RORA: variants seen among roughly 807,000 people sequenced by gnomAD.
RORA encodes RAR related orphan receptor A, also known as nuclear receptor ROR-alpha.
RORA carries 7 observed loss-of-function variants against 69.5 expected under a neutral mutation model. That is an observed-to-expected ratio of 0.10 (90% CI 0.06 to 0.19). RORA has a LOEUF of 0.19. RORA is among the 10% of genes least tolerant of loss of function. The pLI is 1.00. For missense variants in RORA, 457 were observed against 663.0 expected (o/e 0.69, Z 3.41); for synonymous variants, 261 against 240.8 (o/e 1.08, Z -0.78).
chr15:61,225,593 G>A (rs1292598911), intron 1 of RORA, among the ~76,000 whole-genome samples: 1 of 152,156 alleles, frequency 6.6e-6, no homozygotes, highest in Non-Finnish European at 1.5e-5. Context: ...TTTTGGTTTC[G>A]ATTTTTCCCT....
Position 60,627,918 on chromosome 15 carries a change from C to G in RORA, c.196+50739G>C, listed in dbSNP as rs368867989. Among the ~76,000 whole-genome samples the G allele has an allele frequency of 1.7e-4, 26 of 152,210 alleles. 1 individual carries two copies. The highest frequency in any genetic ancestry group is 1.3e-3 in the East Asian group (7 of 5,190). On this transcript the variant is annotated intron_variant, in intron 2 of 10. Coordinates refer to ENST00000335670, the MANE Select transcript of RORA (RefSeq NM_134261.3). Reference sequence around the variant, plus strand: ...ATTTGTTTAGATGTGTGTCTCCTCTCCTGGAGTATAAGCTTATAGAGAGCA... The same window carrying G: ...ATTTGTTTAGATGTGTGTCTCCTCTGCTGGAGTATAAGCTTATAGAGAGCA...
At chr15:61,059,988 GGAAGAAGAA>G (rs71122901) in intron 1 of RORA, among the ~76,000 whole-genome samples, 3,041 of 85,812 alleles carry the variant, frequency 0.035, 62 homozygotes, top group South Asian at 0.063. Flanking sequence ...AAGAGGAAGA[GGAAGAAGAA>G]GAAGAAGAAG....
At chr15:60,789,862 G>C (rs1175270280) in intron 1 of RORA, among the ~76,000 whole-genome samples, 1 of 152,140 alleles carries the variant, frequency 6.6e-6, no homozygotes, top group Non-Finnish European at 1.5e-5. Context: ...ATAAATATAG[G>C]CAGCATGAAT....
At chr15:60,628,480 C>T (rs1363520705) in intron 2 of RORA, among the ~76,000 whole-genome samples, 2 of 152,168 alleles carry the variant, frequency 1.3e-5, no homozygotes, top group African/African-American at 4.8e-5. Flanking sequence ...ATCCTCCTGC[C>T]TCAGCCTCTG....
chr15:60,911,029 A>G (rs867418230), intron 1 of RORA, among the ~76,000 whole-genome samples: 42 of 134,006 alleles, frequency 3.1e-4, no homozygotes, highest in Non-Finnish European at 5.4e-4. Flanking sequence ...TAGCTTCCTG[A>G]GTAGCTGGGA....
chr15:60,575,225 C>T (rs945792646), intron 2 of RORA, among the ~76,000 whole-genome samples: 1 of 152,202 alleles, frequency 6.6e-6, no homozygotes, highest in Non-Finnish European at 1.5e-5. Context: ...ATAGCAACGT[C>T]ACCACATCGT....
chr15:60,937,289 A>G (rs1892553699), intron 1 of RORA, among the ~76,000 whole-genome samples: 4 of 152,270 alleles, frequency 2.6e-5, no homozygotes, highest in Admixed American at 2.6e-4. Context: ...TCTAGATAGC[A>G]CTGAGCTTGA....
chr15:60,567,136 T>C (rs951067018), intron 2 of RORA, among the ~76,000 whole-genome samples: 2 of 151,864 alleles, frequency 1.3e-5, no homozygotes, highest in African/African-American at 4.8e-5. Context: ...AATATGTTTC[T>C]AGCCATTAAT....
intron 1 of RORA, among the ~76,000 whole-genome samples, chr15:60,867,393 G>T (rs183889164): frequency 1.3e-5 from 2 of 152,246 alleles, no homozygotes; most frequent in East Asian, 3.9e-4. Flanking sequence ...TTTCCAGGTA[G>T]ATAGTGTCAG....
At chr15:61,221,611 TCTTA>T (rs1258726903) in intron 1 of RORA, among the ~76,000 whole-genome samples, 5 of 152,346 alleles carry the variant, frequency 3.3e-5, no homozygotes, top group Admixed American at 2.0e-4. Flanking sequence ...TTTTATTTCT[TCTTA>T]CTTCTTTCAC....
At chr15:61,078,532 A>G (rs2078488830) in intron 1 of RORA, among the ~76,000 whole-genome samples, 1 of 152,190 alleles carries the variant, frequency 6.6e-6, no homozygotes, top group African/African-American at 2.4e-5. Flanking sequence ...TCTGCCATTC[A>G]GTACCAACAG....
intron 1 of RORA, among the ~76,000 whole-genome samples, chr15:60,715,272 T>G (rs114802910): frequency 0.014 from 2,102 of 152,296 alleles, 42 homozygotes; most frequent in African/African-American, 0.047. Flanking sequence ...CAAAGAGGCA[T>G]GAAAGTGGAT....
intron 8 of RORA, among the ~76,000 whole-genome samples, chr15:60,502,557 C>T (rs2065363533): frequency 6.6e-6 from 1 of 152,136 alleles, no homozygotes; most frequent in Non-Finnish European, 1.5e-5. Context: ...TGAAACTCTA[C>T]ATCTTTACAA....
chr15:61,209,429 C>G (rs2079970953), intron 1 of RORA, among the ~76,000 whole-genome samples: 1 of 152,150 alleles, frequency 6.6e-6, no homozygotes, highest in Non-Finnish European at 1.5e-5. Context: ...TCTGTTGAAA[C>G]AAACAAATGA....
At chr15:60,692,842 T>A (rs1391774813) in intron 1 of RORA, among the ~76,000 whole-genome samples, 1 of 152,214 alleles carries the variant, frequency 6.6e-6, no homozygotes, top group East Asian at 1.9e-4. Context: ...CAGGACCAGA[T>A]GGATTTACAG....
intron 2 of RORA, among the ~76,000 whole-genome samples, chr15:60,600,702 A>G (rs940005472): frequency 6.6e-6 from 1 of 152,198 alleles, no homozygotes; most frequent in African/African-American, 2.4e-5. Flanking sequence ...ATGGAGGTAG[A>G]TTAAATTAGG....
intron 1 of RORA, among the ~76,000 whole-genome samples, chr15:60,804,775 G>A (rs935127784): frequency 1.3e-5 from 2 of 152,154 alleles, no homozygotes; most frequent in East Asian, 3.8e-4. Flanking sequence ...TTTAGCCAGG[G>A]TTTATATATT....
intron 1 of RORA, among the ~76,000 whole-genome samples, chr15:60,928,117 C>A (rs998640137): frequency 2.0e-5 from 3 of 152,194 alleles, no homozygotes; most frequent in Admixed American, 2.0e-4. Context: ...GAACACTGAA[C>A]TGCCCTGCCC....
chr15:60,642,237 A>G (rs991828388), intron 2 of RORA, among the ~76,000 whole-genome samples: 2 of 151,424 alleles, frequency 1.3e-5, no homozygotes, highest in Non-Finnish European at 2.9e-5. Flanking sequence ...AGTGAGGAGA[A>G]AAAAAAAAGA....
Sources: gnomAD v4.1 joint callset for allele counts (sites outside exome capture counted in the v4.1 genomes callset) on GRCh38, gnomAD v4.1.1 for gene constraint, MANE v1.5 for transcripts, NCBI Gene and HGNC (gene_info 2026-07-23, HGNC 2026-07-21) for gene names.